The following PCDHA8 variants were observed in gnomAD, a reference collection of about 807,000 sequenced individuals.
PCDHA8 encodes the protein protocadherin alpha 8.
PCDHA8 carries 53 observed loss-of-function variants against 61.8 expected under a neutral mutation model. That is an observed-to-expected ratio of 0.86 (90% CI 0.69 to 1.08). PCDHA8 has a LOEUF of 1.08. PCDHA8 is among the 50% of genes least tolerant of loss of function. The pLI is 0.00. For missense variants in PCDHA8, 1,293 were observed against 1,245.0 expected (o/e 1.04, Z -0.58); for synonymous variants, 618 against 556.6 (o/e 1.11, Z -1.55).
intron 1 of PCDHA8, chr5:140,884,480 A>G (rs782532542): frequency 6.2e-7 from 1 of 1,613,780 alleles, no homozygotes; most frequent in South Asian, 1.1e-5. Context: ...GGGCAAGCCC[A>G]CTCTAGTGTG....
chr5:140,971,599 A>G (rs891227830), intron 1 of PCDHA8, among the ~76,000 whole-genome samples: 1 of 152,140 alleles, frequency 6.6e-6, no homozygotes, highest in African/African-American at 2.4e-5. Flanking sequence ...GTTACTACAG[A>G]TGGCAGGAGA....
rs570399561 is a variant in PCDHA8, at chr5:140,943,988, C to T, written c.2395-34961C>T. ...GTTAAAGTAATTAAGAAAACAGAGA[C>T]AGAACTACTGAGTACCCCCCAAAAG... On this transcript the variant is annotated intron_variant, in intron 1 of 3. Transcript: ENST00000531613. 8.3e-4 allele frequency among the ~76,000 whole-genome samples: 126 copies of T among 152,216 alleles called. 3 individuals carry two copies. The Middle Eastern group carries it at 0.017, about 21-fold the overall frequency.
In PCDHA8 at chr5:140,870,834, C is replaced by T. The variant is rs370941881; in HGVS notation, c.2394+27119C>T. ...CTGGCAGCGCGGGAGGCGCAGTTAA[C>T]AAGCTAGTACCGCGGTCGGTGGGTG... On this transcript the variant is annotated intron_variant, in intron 1 of 3. Transcript: ENST00000531613. 184 of 1,613,806 alleles carry T rather than the reference C, an allele frequency of 1.1e-4. 2 individuals are homozygous for T. In the South Asian group the frequency reaches 1.5e-3, roughly 13 times the overall value.
rs782328874 is a variant in PCDHA8, at chr5:141,009,755, C to G, written c.2671C>G (p.Pro891Ala). The G allele has an allele frequency of 6.2e-7, 1 of 1,614,002 alleles. No homozygotes were observed. Among genetic ancestry groups the G allele is most frequent in the African/African-American group, 1.3e-5 (1 of 74,894 alleles). ...TGAGTTGCCCGACAAATTCATTATC[C>G]CAGGATCTCCTGCAATCATCTCCAT... ...PGELPDKFII[P>A]GSPAIISIRQ... Residue 891 changes from proline (P) to alanine (A), a missense_variant, in exon 4 of 4, where the codon CCA becomes GCA. Physicochemically the swap from Pro to Ala is conservative, Grantham distance 27. Coordinates refer to ENST00000531613, the MANE Select transcript of PCDHA8 (RefSeq NM_018911.3).
rs181817860 is a variant in PCDHA8 at position 140,866,905 on chromosome 5, C to T, written c.2394+23190C>T. The T allele has an allele frequency of 1.6e-4, 24 of 152,148 alleles. 1 individual carries two copies. The highest frequency in any genetic ancestry group is 1.4e-3 in the Admixed American group (22 of 15,284). 9.4% of individuals were successfully genotyped at this position (152,148 alleles called of 1,614,324 possible). ...CCTATACCCAGATATTAGGCTGATCCTCAAAGATGAGTTCAAAGGGCGCAT... is the reference window on the plus strand; with the variant it reads ...CCTATACCCAGATATTAGGCTGATCTTCAAAGATGAGTTCAAAGGGCGCAT... On this transcript the variant is annotated intron_variant, in intron 1 of 3. Transcript: ENST00000531613.
intron 1 of PCDHA8, among the ~76,000 whole-genome samples, chr5:140,871,818 A>G (rs2053326422): frequency 6.6e-6 from 1 of 152,250 alleles, no homozygotes; most frequent in South Asian, 2.1e-4. Flanking sequence ...TAAAGTACCC[A>G]TGCCCCTTCA....
At chr5:140,941,202 C>CTTTTCTTTCTTCCTTTCTTT (rs1554213921) in intron 1 of PCDHA8, among the ~76,000 whole-genome samples, 1 of 122,742 alleles carries the variant, frequency 8.1e-6, no homozygotes, top group Non-Finnish European at 1.8e-5. Flanking sequence ...TTTCTTTCTT[C>CTTTTCTTTCTTCCTTTCTTT]CTTTCTTTCT....
chr5:140,900,080 A>G (rs62384484), intron 1 of PCDHA8, among the ~76,000 whole-genome samples: 49,691 of 152,040 alleles, frequency 0.33, 8,391 homozygotes, highest in East Asian at 0.53. Flanking sequence ...AAAGTGCTGC[A>G]GTTACAAGCA....
At chr5:140,856,926 G>A (rs782283116) in intron 1 of PCDHA8, 1 of 1,594,828 alleles carries the variant, frequency 6.3e-7, no homozygotes, top group South Asian at 1.1e-5. Context: ...AGGAAATTTT[G>A]GATAAACGAA....
intron 3 of PCDHA8, among the ~76,000 whole-genome samples, chr5:141,002,843 A>G (rs2098098678): frequency 6.6e-6 from 1 of 152,224 alleles, no homozygotes; most frequent in African/African-American, 2.4e-5. Context: ...AGGACTATGC[A>G]CTAGTGAGAG....
intron 1 of PCDHA8, chr5:140,867,631 G>A (rs1554161429): frequency 1.3e-5 from 2 of 151,978 alleles, no homozygotes; most frequent in African/African-American, 4.8e-5. Flanking sequence ...AAATATTTAA[G>A]CTAGAGTGAT....
intron 1 of PCDHA8, among the ~76,000 whole-genome samples, chr5:140,890,187 CAG>C (rs2062529084): frequency 1.3e-5 from 2 of 152,228 alleles, no homozygotes; most frequent in South Asian, 4.1e-4. Context: ...TGCTACAAAA[CAG>C]AGTTTTTTGT....
intron 1 of PCDHA8, among the ~76,000 whole-genome samples, chr5:140,901,060 AT>A (rs542927280): frequency 1.3e-5 from 2 of 151,130 alleles, no homozygotes; most frequent in East Asian, 3.9e-4. Flanking sequence ...AGATTATTAG[AT>A]TTTTTTTTCT....
At chr5:140,894,740 A>AT (rs1157881854) in intron 1 of PCDHA8, among the ~76,000 whole-genome samples, 7 of 151,086 alleles carry the variant, frequency 4.6e-5, no homozygotes, top group Middle Eastern at 3.4e-3. Flanking sequence ...AATTTGTGGA[A>AT]TTTTTTTTCT....
intron 1 of PCDHA8, chr5:140,927,485 C>T: frequency 6.2e-7 from 1 of 1,614,098 alleles, no homozygotes; most frequent in Non-Finnish European, 8.5e-7. Context: ...CAGCGCGCCA[C>T]CCACCTGCTG....
In PCDHA8 at chr5:140,842,538, C is replaced by T. The variant is rs1554139153; in HGVS notation, c.1217C>T (p.Ser406Leu). Residue 406 changes from serine (S) to leucine (L), a missense_variant, in exon 1 of 4, where the codon TCG becomes TTG. Coordinates refer to ENST00000531613, the MANE Select transcript of PCDHA8 (RefSeq NM_018911.3). The stretch of plus-strand genomic sequence containing the variant: ...GTGTCCACCTTCAAGAATTACTACT[C>T]GTTGGTGCTGGACAGCGCCCTGGAC... ...KLVSTFKNYYSLVLDSALDRE... is the reference protein window; with the variant it reads ...KLVSTFKNYYLLVLDSALDRE... 3.7e-6 allele frequency: 6 copies of T among 1,611,596 alleles called. No homozygotes were observed. Among genetic ancestry groups the T allele is most frequent in the South Asian group, 1.1e-5 (1 of 91,050 alleles).
Position 140,858,389 on chromosome 5 carries a change from G to A in PCDHA8, c.2394+14674G>A. The A allele has an allele frequency of 1.3e-6, 2 of 1,580,024 alleles. 1 individual carries two copies. Among genetic ancestry groups the A allele is most frequent in the Non-Finnish European group, 1.7e-6 (2 of 1,156,144 alleles). On this transcript the variant is annotated intron_variant, in intron 1 of 3. Transcript: ENST00000531613. ...CAGCCTTCCACCATGCCCAATGGTA[G>A]ATGTGGACGGGGAAGATCAGTCTAT...
chr5:140,846,687 T>C (rs1554141460), intron 1 of PCDHA8, among the ~76,000 whole-genome samples: 1 of 149,376 alleles, frequency 6.7e-6, no homozygotes, highest in East Asian at 1.9e-4. Context: ...AATGCTTTCT[T>C]AGCAAGTAGA....
In PCDHA8 at chr5:140,927,773, A is replaced by G. The variant is rs143568645; in HGVS notation, c.2395-51176A>G. ...GTGCACCCTAAAAGTGGGGAGGTGC[A>G]AGTAGCTGCTTCACTAGGTCCGCCT... is the stretch of plus-strand genomic sequence containing the variant. On this transcript the variant is annotated intron_variant, in intron 1 of 3. Coordinates refer to ENST00000531613, the MANE Select transcript of PCDHA8 (RefSeq NM_018911.3). 201 of 1,614,196 alleles carry G rather than the reference A, an allele frequency of 1.2e-4. 4 individuals carry two copies. In the Middle Eastern group the frequency reaches 2.1e-3, roughly 17 times the overall value.
Sources: gnomAD v4.1 joint callset for allele counts (sites outside exome capture counted in the v4.1 genomes callset) on GRCh38, gnomAD v4.1.1 for gene constraint, MANE v1.5 for transcripts, NCBI Gene and HGNC (gene_info 2026-07-23, HGNC 2026-07-21) for gene names.